IPPK: variants seen among roughly 807,000 people sequenced by gnomAD.
The protein encoded by IPPK is inositol-pentakisphosphate 2-kinase.
Under a neutral mutation model 64.6 loss-of-function variants are expected in IPPK, and 22 were observed. That is an observed-to-expected ratio of 0.34 (90% CI 0.24 to 0.49). IPPK has a LOEUF of 0.49. Among genes scored for constraint, IPPK ranks in the 20% least tolerant of loss-of-function variants. The pLI is 0.99. For synonymous variants in IPPK, 262 were observed against 247.2 expected (o/e 1.06, Z -0.56); for missense variants, 532 against 630.7 (o/e 0.84, Z 1.68).
At chr9:92,645,439 T>C (rs1317134757) in intron 6 of IPPK, among the ~76,000 whole-genome samples, 1 of 151,436 alleles carries the variant, frequency 6.6e-6, no homozygotes, top group African/African-American at 2.4e-5. Context: ...AAAAGTACAG[T>C]AACTAAAATG....
chr9:92,619,468 T>C lies in IPPK; in HGVS notation c.1250+18A>G. The C allele has an allele frequency of 6.4e-7, 1 of 1,568,192 alleles. No homozygotes were observed. Among genetic ancestry groups the C allele is most frequent in the Non-Finnish European group, 8.7e-7 (1 of 1,154,200 alleles). The stretch of plus-strand genomic sequence containing the variant: ...CCCCGTTAGACCCAGGCTGCATGCC[T>C]TGCAGTGGGGGCCTCACCTGGCATC... On this transcript the variant is annotated intron_variant, in intron 12 of 12. Transcript: ENST00000287996.
At chr9:92,616,828 T>G (rs952867294) in intron 12 of IPPK, 3 of 152,268 alleles carry the variant, frequency 2.0e-5, no homozygotes, top group Non-Finnish European at 4.4e-5. Context: ...CTCAAGACAC[T>G]GGCTAAACAA....
chr9:92,616,119 TTC>T lies in IPPK; in HGVS notation c.1251-64_1251-63del. On this transcript the variant is annotated intron_variant, in intron 12 of 12. Transcript: ENST00000287996. ...CCCCCATTCATTTCCCTCCCTCCCG[TTC>T]TCTCTCCCTTTCTTCTTTCAACTAG... is the stretch of plus-strand genomic sequence containing the variant. The T allele has an allele frequency of 3.5e-6, 4 of 1,139,728 alleles. 1 individual carries two copies. The South Asian group carries it at 5.5e-5, about 16-fold the overall frequency. 70.6% of individuals were successfully genotyped at this position (1,139,728 alleles called of 1,614,324 possible).
intron 5 of IPPK, among the ~76,000 whole-genome samples, chr9:92,648,504 C>G (rs1312270589): frequency 1.3e-5 from 2 of 152,232 alleles, no homozygotes; most frequent in African/African-American, 4.8e-5. Context: ...AGAATCGGAA[C>G]CATTGTTCCC....
intron 6 of IPPK, among the ~76,000 whole-genome samples, chr9:92,643,282 A>G (rs888075457): frequency 1.3e-5 from 2 of 152,210 alleles, no homozygotes; most frequent in Non-Finnish European, 2.9e-5. Flanking sequence ...TGGCTCAGCA[A>G]ATCTACAAGG....
At chr9:92,656,389 A>G (rs1852372951) in intron 3 of IPPK, 67 bp downstream of exon 3, 1 of 977,836 alleles carries the variant, frequency 1.0e-6, no homozygotes, top group Non-Finnish European at 1.7e-6. Context: ...TCCAAAGATC[A>G]CCGGGAAATT....
chr9:92,664,198 G>A (rs1442955251), intron 1 of IPPK, among the ~76,000 whole-genome samples: 2 of 152,238 alleles, frequency 1.3e-5, no homozygotes, highest in Non-Finnish European at 2.9e-5. Context: ...ACCGTGGAGG[G>A]AACAAGAAGC....
At position 92,613,651 on chromosome 9, in the gene IPPK, G is replaced by A. The variant is rs1264946150; in HGVS notation, c.*2181C>T. On this transcript the variant is annotated 3_prime_UTR_variant, in exon 13 of 13. Transcript: ENST00000287996. ...CCCCCGGTCCGCATGGTGGCACCGT[G>A]AGGCAGTCTCAGCAAGTCCTCATGC... 1 of 160,106 alleles carries A rather than the reference G, an allele frequency of 6.2e-6. No individual in the cohort carries two copies. The highest frequency in any genetic ancestry group is 1.4e-5 in the Non-Finnish European group (1 of 72,298). 9.9% of individuals were successfully genotyped at this position (160,106 alleles called of 1,614,324 possible). A position where few individuals can be genotyped will look rare whatever the true frequency, so the allele number is the denominator to read the frequency against.
chr9:92,632,108 C>T (rs1009988441), intron 11 of IPPK, among the ~76,000 whole-genome samples: 4 of 152,138 alleles, frequency 2.6e-5, no homozygotes, highest in Admixed American at 6.5e-5. Context: ...CTGTCTGACC[C>T]GCTGGAGGTC....
intron 1 of IPPK, among the ~76,000 whole-genome samples, chr9:92,659,973 C>T (rs1431964158): frequency 2.6e-5 from 4 of 151,906 alleles, no homozygotes; most frequent in African/African-American, 4.8e-5. Flanking sequence ...TGCATGCTAC[C>T]GCTGTCCCCT....
At chr9:92,636,267 A>C (rs1851941351) in intron 9 of IPPK, among the ~76,000 whole-genome samples, 1 of 152,212 alleles carries the variant, frequency 6.6e-6, no homozygotes, top group Non-Finnish European at 1.5e-5. Context: ...GGGAAACAGG[A>C]GTAAAAGTTC....
In IPPK at chr9:92,657,026, C is replaced by A. The variant is rs556776326; in HGVS notation, c.130-475G>T. On this transcript the variant is annotated intron_variant, in intron 2 of 12. Transcript: ENST00000287996. The stretch of plus-strand genomic sequence containing the variant: ...AAATCACCCCCATGTCCCTCAATGG[C>A]CCAGTACAGCTGTGGTCACAGCTTC... 4.6e-5 allele frequency among the ~76,000 whole-genome samples: 7 copies of A among 152,246 alleles called. No homozygotes were observed. In the South Asian group the frequency reaches 1.5e-3, roughly 32 times the overall value.
intron 1 of IPPK, among the ~76,000 whole-genome samples, chr9:92,664,817 G>A (rs1852561227): frequency 6.6e-6 from 1 of 152,210 alleles, no homozygotes; most frequent in South Asian, 2.1e-4. Context: ...CTCCTGGATC[G>A]CAGCTCTCAG....
chr9:92,640,578 G>C, intron 8 of IPPK, 132 bp downstream of exon 8: 2 of 718,918 alleles, frequency 2.8e-6, no homozygotes, highest in Non-Finnish European at 5.1e-6. Context: ...GAACCAGTCA[G>C]GGCATGAGGA....
At chr9:92,669,624 A>G (rs1052809198) in intron 1 of IPPK, among the ~76,000 whole-genome samples, 2 of 151,944 alleles carry the variant, frequency 1.3e-5, no homozygotes, top group Non-Finnish European at 2.9e-5. Flanking sequence ...TGTGGAACTG[A>G]CTCTGACGGG....
At chr9:92,620,886 T>C (rs986365246) in intron 11 of IPPK, among the ~76,000 whole-genome samples, 32 of 152,290 alleles carry the variant, frequency 2.1e-4, no homozygotes, top group African/African-American at 7.0e-4. Flanking sequence ...TAAGGGAGTG[T>C]CCTAGCCCCT....
intron 4 of IPPK, among the ~76,000 whole-genome samples, chr9:92,651,388 T>G (rs1852263896): frequency 6.7e-6 from 1 of 149,690 alleles, no homozygotes; most frequent in Non-Finnish European, 1.5e-5. Context: ...GAAAAGGGAG[T>G]GGGTGGGGAT....
Position 92,647,276 on chromosome 9 carries a change from A to G in IPPK, c.504+783T>C, listed in dbSNP as rs192277772. Reference sequence around the variant, plus strand: ...CAAGAGACTGAATCAGTAATCAAAAATCTTCTAACAAAGAAAATCCCAGGA... The same window carrying G: ...CAAGAGACTGAATCAGTAATCAAAAGTCTTCTAACAAAGAAAATCCCAGGA... On this transcript the variant is annotated intron_variant, in intron 6 of 12. Coordinates refer to ENST00000287996, the MANE Select transcript of IPPK (RefSeq NM_022755.6). 1.4e-3 allele frequency among the ~76,000 whole-genome samples: 216 copies of G among 152,310 alleles called. 1 individual carries two copies. The highest frequency in any genetic ancestry group is 5.0e-3 in the African/African-American group (206 of 41,530).
At chr9:92,658,758 C>G in intron 1 of IPPK, 77 bp from the exon 2 acceptor site, 1 of 1,307,972 alleles carries the variant, frequency 7.6e-7, no homozygotes, top group South Asian at 1.2e-5. Context: ...TTGGGGGTCC[C>G]ATCCTCAGTG....
Sources: allele counts gnomAD v4.1 joint callset (sites outside exome capture counted in the v4.1 genomes callset), GRCh38; gene constraint gnomAD v4.1.1; transcripts MANE v1.5; gene names NCBI Gene and HGNC (gene_info 2026-07-23, HGNC 2026-07-21).